CLASP2: variants seen among roughly 807,000 people sequenced by gnomAD.
CLASP2 encodes the protein CLIP-associating protein 2.
Under a neutral mutation model 194.4 loss-of-function variants are expected in CLASP2, and 47 were observed. The observed-to-expected ratio is 0.24, with a 90% CI of 0.19 to 0.31. CLASP2 has a LOEUF of 0.31. Ranked by LOEUF, CLASP2 falls within the 10% of genes least tolerant of loss-of-function variation. The pLI is 1.00. For synonymous variants in CLASP2, 619 were observed against 633.5 expected, an observed-to-expected ratio of 0.98 and a Z score of 0.34; for missense variants, 1,445 against 1,823.6, an observed-to-expected ratio of 0.79 and a Z score of 3.78.
Position 33,506,702 on chromosome 3 carries a change from T to A in CLASP2, c.4317+3856A>T, listed in dbSNP as rs566968486. On this transcript the variant is annotated intron_variant, in intron 37 of 38. Transcript: ENST00000682230. Reference sequence around the variant, plus strand: ...AGGGGTTCAACTTCATTGTTTTTCATGTGGAAACCCAGTTGTCCTAGCATC... The same window carrying A: ...AGGGGTTCAACTTCATTGTTTTTCAAGTGGAAACCCAGTTGTCCTAGCATC... Among the ~76,000 whole-genome samples, 15 of 152,270 alleles carry A rather than the reference T, an allele frequency of 9.9e-5. No homozygotes were observed. In the South Asian group the frequency reaches 3.1e-3, roughly 32 times the overall value.
chr3:33,642,339 T>C (rs986660530), intron 8 of CLASP2, among the ~76,000 whole-genome samples: 16 of 151,916 alleles, frequency 1.1e-4, no homozygotes, highest in African/African-American at 3.9e-4. Context: ...ATTAATAATT[T>C]AAGACAACGA....
intron 1 of CLASP2, among the ~76,000 whole-genome samples, chr3:33,715,512 CT>C (rs1022502040): frequency 6.6e-6 from 1 of 152,042 alleles, no homozygotes; most frequent in Non-Finnish European, 1.5e-5. Flanking sequence ...AAGGATTTGT[CT>C]TTTTTTCACA....
chr3:33,706,768 C>T (rs1248420191), intron 1 of CLASP2, among the ~76,000 whole-genome samples: 5 of 151,770 alleles, frequency 3.3e-5, no homozygotes, highest in African/African-American at 1.2e-4. Context: ...TCGAGACCAG[C>T]CTGGGCAACA....
At chr3:33,645,342 A>T (rs1425808861) in intron 7 of CLASP2, 1 of 764,930 alleles carries the variant, frequency 1.3e-6, no homozygotes, top group East Asian at 2.4e-5. Context: ...AATTTCCCTC[A>T]CCCTAGGAGG....
intron 13 of CLASP2, among the ~76,000 whole-genome samples, 195 bp from the exon 14 acceptor site, chr3:33,608,821 C>T (rs1014125580): frequency 1.4e-5 from 2 of 139,368 alleles, no homozygotes; most frequent in Non-Finnish European, 3.0e-5. Flanking sequence ...GGCGCGATCT[C>T]GGCTCACTGC....
chr3:33,684,376 T>C lies in CLASP2; in HGVS notation c.627A>G (p.Arg209=). Residue 209 remains arginine (R), a synonymous_variant, in exon 6 of 39, where the codon AGA becomes AGG. Transcript: ENST00000682230. ...GEKVRMDLYK[R]GIPPARLEMI... The stretch of plus-strand genomic sequence containing the variant: ...AGACTTACCTAGCAGGGGGAATTCC[T>C]CTCTTATAAAGATCCATCCTCACTT... 2 of 1,586,796 alleles carry C rather than the reference T, an allele frequency of 1.3e-6. No individual in the cohort carries two copies. The highest frequency in any genetic ancestry group is 1.4e-5 in the African/African-American group (1 of 73,162).
chr3:33,687,015 G>T, intron 5 of CLASP2, 45 bp downstream of exon 5: 2 of 1,118,330 alleles, frequency 1.8e-6, no homozygotes, highest in Non-Finnish European at 2.5e-6. Flanking sequence ...AAAAGAAATG[G>T]TAGCCAAAAA....
At chr3:33,565,648 A>T (rs2062593500) in intron 27 of CLASP2, among the ~76,000 whole-genome samples, 1 of 151,574 alleles carries the variant, frequency 6.6e-6, no homozygotes, top group Non-Finnish European at 1.5e-5. Flanking sequence ...CCCCGTCTCT[A>T]CTAAAAATAC....
chr3:33,622,276 T>C lies in CLASP2; in HGVS notation c.1040A>G (p.Lys347Arg), dbSNP rs2077230782. ...HDWDQRANALKKIRSLLVAGA... is the reference protein window; with the variant it reads ...HDWDQRANALRKIRSLLVAGA... Reference sequence around the variant, plus strand: ...AGCAACAAGCAGTGATCGAATTTTCTTCAGCTGAAATAAAGAATTTTCATT... The same window carrying C: ...AGCAACAAGCAGTGATCGAATTTTCCTCAGCTGAAATAAAGAATTTTCATT... The change falls in exon 11 of 39, where the codon AAG (lysine) becomes AGG (arginine). Residue 347 changes from lysine (K) to arginine (R), a missense_variant. By Grantham distance (26) the Lys-to-Arg change is conservative. Around this residue, in one of 4 missense-constraint regions of CLASP2, gnomAD observed 207 missense variants for 331.4 expected, o/e 0.62. Transcript: ENST00000682230. 1 of 1,466,678 alleles carries C rather than the reference T, an allele frequency of 6.8e-7. No individual in the cohort carries two copies. Among genetic ancestry groups the C allele is most frequent in the Non-Finnish European group, 9.1e-7 (1 of 1,103,432 alleles). The allele number at this position is 1,466,678 out of a possible 1,614,324, so 90.9% of individuals were successfully genotyped here.
intron 7 of CLASP2, among the ~76,000 whole-genome samples, chr3:33,646,662 T>C (rs541771426): frequency 6.6e-6 from 1 of 152,216 alleles, no homozygotes; most frequent in South Asian, 2.1e-4. Flanking sequence ...AATATGTCCC[T>C]ACCATTAAAA....
At chr3:33,614,397 C>G (rs2075743057) in intron 12 of CLASP2, among the ~76,000 whole-genome samples, 1 of 151,968 alleles carries the variant, frequency 6.6e-6, no homozygotes, top group Non-Finnish European at 1.5e-5. Flanking sequence ...AAGATCTGAG[C>G]CAATAAGACA....
At chr3:33,708,282 GA>G (rs2092791697) in intron 1 of CLASP2, among the ~76,000 whole-genome samples, 2 of 146,324 alleles carry the variant, frequency 1.4e-5, no homozygotes, top group African/African-American at 5.1e-5. Context: ...CTATAAATTT[GA>G]CTTTTTTTTT....
intron 26 of CLASP2, among the ~76,000 whole-genome samples, chr3:33,569,102 T>C (rs1057479871): frequency 4.6e-5 from 7 of 152,192 alleles, no homozygotes; most frequent in African/African-American, 1.7e-4. Flanking sequence ...AAGAATTTTA[T>C]GTTGCTATAA....
chr3:33,504,306 G>C (rs767381030), intron 37 of CLASP2: 1 of 152,162 alleles, frequency 6.6e-6, no homozygotes, highest in Admixed American at 6.6e-5. Context: ...TTTCTTCTAT[G>C]AGTTTTGTAG....
intron 6 of CLASP2, among the ~76,000 whole-genome samples, chr3:33,668,712 A>AC (rs917985483): frequency 3.3e-5 from 5 of 152,222 alleles, no homozygotes; most frequent in African/African-American, 1.2e-4. Context: ...AGCAAAGCTC[A>AC]CGTACCCAGA....
At chr3:33,604,309 A>G in intron 16 of CLASP2, 100 bp from the exon 17 acceptor site, 1 of 767,818 alleles carries the variant, frequency 1.3e-6, no homozygotes, top group East Asian at 2.8e-5. Context: ...GTTGAGAAGT[A>G]TTTCTTTTTT....
chr3:33,514,229 C>T (rs1016740194), intron 36 of CLASP2, among the ~76,000 whole-genome samples: 30 of 152,276 alleles, frequency 2.0e-4, no homozygotes, highest in African/African-American at 7.2e-4. Flanking sequence ...CTCAAGTGAT[C>T]CACCTGCTTG....
At chr3:33,688,420 T>C in intron 3 of CLASP2, 52 bp from the exon 4 acceptor site, 1 of 1,268,242 alleles carries the variant, frequency 7.9e-7, no homozygotes, top group Non-Finnish European at 1.1e-6. Flanking sequence ...TTATTCATGT[T>C]ATAATCTTTT....
chr3:33,506,372 T>G (rs1235244246), intron 37 of CLASP2, among the ~76,000 whole-genome samples: 2 of 71,246 alleles, frequency 2.8e-5, no homozygotes, highest in African/African-American at 1.1e-4. Flanking sequence ...AGTGAGACTC[T>G]GTCTCGAAAA....
Sources: gnomAD v4.1 joint callset for allele counts (sites outside exome capture counted in the v4.1 genomes callset) on GRCh38, gnomAD v4.1.1 for gene constraint, gnomAD v4.1.1 regional missense constraint, MANE v1.5 for transcripts, NCBI Gene and HGNC (gene_info 2026-07-23, HGNC 2026-07-21) for gene names.